Variants in DOCK8 observed in about 807,000 individuals in gnomAD.
The protein encoded by DOCK8 is dedicator of cytokinesis protein 8.
DOCK8 carries 141 observed loss-of-function variants against 245.6 expected under a neutral mutation model. The ratio of observed to expected loss-of-function variants is 0.57; its 90% CI spans 0.50 to 0.66. The LOEUF (loss-of-function observed/expected upper bound fraction) is 0.66. Among genes scored for constraint, DOCK8 ranks in the 30% least tolerant of loss-of-function variants. The probability of loss-of-function intolerance (pLI) is 0.00; values close to 1 mark genes in which losing one functional copy is unlikely to be tolerated. For synonymous variants in DOCK8, 1,168 were observed against 970.2 expected (o/e 1.20, Z -3.79); for missense variants, 2,965 against 2,603.4 (o/e 1.14, Z -3.02).
intron 23 of DOCK8, among the ~76,000 whole-genome samples, 167 bp from the exon 24 acceptor site, chr9:390,304 C>A (rs1250078611): frequency 5.9e-5 from 9 of 152,192 alleles, no homozygotes; most frequent in Non-Finnish European, 1.0e-4. Flanking sequence ...CTCAGGTGAT[C>A]TCAGCACTGA....
chr9:436,854 G>C (rs1433157920), intron 39 of DOCK8, among the ~76,000 whole-genome samples: 2 of 152,056 alleles, frequency 1.3e-5, no homozygotes, highest in African/African-American at 4.8e-5. Context: ...TCCAATCTTT[G>C]TTCAGTTATA....
Position 464,692 on chromosome 9 carries a change from CAATA to C in DOCK8, c.*477_*480del. Reference sequence around the variant, plus strand: ...AACTTGTAGGAGTACGAAACATTTTCAATAAATCTACAAAGGGAAGCCTTACTAC... The same window carrying C: ...AACTTGTAGGAGTACGAAACATTTTCAATCTACAAAGGGAAGCCTTACTAC... On this transcript the variant is annotated 3_prime_UTR_variant, in exon 48 of 48. Transcript: ENST00000432829. 5.4e-6 allele frequency: 1 copy of C among 183,554 alleles called. No individual in the cohort carries two copies. Among genetic ancestry groups the C allele is most frequent in the South Asian group, 1.1e-4 (1 of 9,420 alleles). 11.4% of individuals were successfully genotyped at this position (183,554 alleles called of 1,614,324 possible).
At chr9:318,493 G>A (rs1339827591) in intron 7 of DOCK8, among the ~76,000 whole-genome samples, 1 of 152,088 alleles carries the variant, frequency 6.6e-6, no homozygotes, top group African/African-American at 2.4e-5. Flanking sequence ...TGATTCTAAC[G>A]CATAGCCTCT....
chr9:319,784 G>GA (rs533073287), intron 7 of DOCK8, among the ~76,000 whole-genome samples: 1,856 of 134,346 alleles, frequency 0.014, 18 homozygotes, highest in African/African-American at 0.02. Context: ...GTTTGTAACA[G>GA]AAAAAAAAAA....
intron 1 of DOCK8, among the ~76,000 whole-genome samples, chr9:234,946 G>T (rs2047210823): frequency 6.6e-6 from 1 of 152,190 alleles, no homozygotes; most frequent in South Asian, 2.1e-4. Context: ...GTGAGGAGCT[G>T]CGTTCCTTTG....
At chr9:237,330 T>C (rs1325954139) in intron 1 of DOCK8, among the ~76,000 whole-genome samples, 1 of 152,190 alleles carries the variant, frequency 6.6e-6, no homozygotes. Context: ...GGCAGAAAGA[T>C]GGTAGGAAAC....
intron 1 of DOCK8, among the ~76,000 whole-genome samples, chr9:248,531 C>CTCTT (rs140406776): frequency 5.7e-4 from 50 of 87,624 alleles, no homozygotes; most frequent in Middle Eastern, 0.012. Context: ...CTCCCTCTCT[C>CTCTT]TCTTTCTTTC....
At chr9:299,714 A>G (rs954726339) in intron 4 of DOCK8, among the ~76,000 whole-genome samples, 2 of 151,676 alleles carry the variant, frequency 1.3e-5, no homozygotes, top group African/African-American at 4.8e-5. Flanking sequence ...TCAAGCGGCC[A>G]GGGGATGCTG....
At chr9:333,343 T>G (rs562518045) in intron 10 of DOCK8, among the ~76,000 whole-genome samples, 230 of 152,382 alleles carry the variant, frequency 1.5e-3, no homozygotes, top group African/African-American at 5.2e-3. Context: ...GGCTCACACC[T>G]GTAATCCCAG....
chr9:373,694 CTTA>C (rs1388966165), intron 18 of DOCK8, among the ~76,000 whole-genome samples: 1 of 152,154 alleles, frequency 6.6e-6, no homozygotes, highest in Admixed American at 6.5e-5. Flanking sequence ...CTGTTTTCCT[CTTA>C]TTTTCTTTTT....
intron 18 of DOCK8, among the ~76,000 whole-genome samples, chr9:375,843 A>G (rs185739713): frequency 4.5e-4 from 69 of 152,248 alleles, no homozygotes; most frequent in Non-Finnish European, 6.6e-4. Flanking sequence ...CAAAAAATAG[A>G]AAAATTAGTT....
chr9:382,622 C>T lies in DOCK8; in HGVS notation c.2715C>T (p.Asn905=), dbSNP rs532964243. The T allele has an allele frequency of 1.6e-5, 26 of 1,614,018 alleles. No individual in the cohort carries two copies. The Admixed American group carries it at 3.0e-4, about 19-fold the overall frequency. ...AGGCCCGGGTGATGAGCAGCAGTAA[C>T]CCAGACCTCGCGGGGACACACTCCG... The part of the protein sequence containing the change: ...LLQARVMSSS[N]PDLAGTHSAA... The change falls in exon 22 of 48, where the codon AAC becomes AAT. Residue 905 remains asparagine (N), a synonymous_variant. Transcript: ENST00000432829.
In DOCK8 at chr9:383,736, C is replaced by T. The variant is rs546285455; in HGVS notation, c.2778+1051C>T. Among the ~76,000 whole-genome samples, 18 of 144,660 alleles carry T rather than the reference C, an allele frequency of 1.2e-4. No individual in the cohort carries two copies. The South Asian group carries it at 4.1e-3, about 33-fold the overall frequency. The allele number at this position is 144,660 out of a possible 152,430, so 94.9% of individuals were successfully genotyped here. ...AAAAAAAAAAAAAAATCCCAAGGAG[C>T]AATGCCAAATTTTACAAGCATATAA... On this transcript the variant is annotated intron_variant, in intron 22 of 47. Coordinates refer to ENST00000432829, the MANE Select transcript of DOCK8 (RefSeq NM_203447.4).
At chr9:257,349 G>A (rs487275) in intron 1 of DOCK8, among the ~76,000 whole-genome samples, 84,772 of 152,034 alleles carry the variant, frequency 0.56, 23,888 homozygotes, top group East Asian at 0.8. Flanking sequence ...TAGACTGAGG[G>A]AGGGTGATTA....
At chr9:412,404 C>CAAAAAAAA (rs59340573) in intron 28 of DOCK8, among the ~76,000 whole-genome samples, 1 of 100,792 alleles carries the variant, frequency 9.9e-6, no homozygotes, top group Non-Finnish European at 2.2e-5. Context: ...GACCCTGTCT[C>CAAAAAAAA]AAAAAAAAAA....
chr9:418,894 A>G (rs532675017), intron 30 of DOCK8, among the ~76,000 whole-genome samples: 1 of 152,294 alleles, frequency 6.6e-6, no homozygotes, highest in South Asian at 2.1e-4. Flanking sequence ...CTCCAAAAAA[A>G]AAGACTGAAG....
chr9:314,834 C>T (rs1022180996), intron 6 of DOCK8, among the ~76,000 whole-genome samples: 2 of 152,080 alleles, frequency 1.3e-5, no homozygotes, highest in African/African-American at 4.8e-5. Flanking sequence ...ACTTGATTTC[C>T]CTGTAAGGAA....
In DOCK8 at chr9:275,091, A is replaced by G. The variant is rs56236668; in HGVS notation, c.156+3362A>G. Among the ~76,000 whole-genome samples, 940 of 152,352 alleles carry G rather than the reference A, an allele frequency of 6.2e-3. 6 individuals are homozygous for G. Among genetic ancestry groups the G allele is most frequent in the African/African-American group, 0.021 (875 of 41,584 alleles). On this transcript the variant is annotated intron_variant, in intron 2 of 47. Coordinates refer to ENST00000432829, the MANE Select transcript of DOCK8 (RefSeq NM_203447.4). ...TTAGTCATGTAATTTGTGACAAGCCACTTAATCTCTCTGAAGACTTCAGTT... is the reference window on the plus strand; with the variant it reads ...TTAGTCATGTAATTTGTGACAAGCCGCTTAATCTCTCTGAAGACTTCAGTT...
chr9:264,042 C>G (rs983480579), intron 1 of DOCK8, among the ~76,000 whole-genome samples: 1 of 152,318 alleles, frequency 6.6e-6, no homozygotes, highest in East Asian at 1.9e-4. Flanking sequence ...CTCTCCTCCT[C>G]CTTTGGGATC....
Sources: allele counts gnomAD v4.1 joint callset (sites outside exome capture counted in the v4.1 genomes callset), GRCh38; gene constraint gnomAD v4.1.1; transcripts MANE v1.5; gene names NCBI Gene and HGNC (gene_info 2026-07-23, HGNC 2026-07-21).